Variants in OPCML observed in about 807,000 individuals in gnomAD.
OPCML encodes opioid binding protein/cell adhesion molecule like, also known as opioid-binding protein/cell adhesion molecule.
Under a neutral mutation model 37.8 loss-of-function variants are expected in OPCML, and 13 were observed. That is an observed-to-expected ratio of 0.34 (90% CI 0.22 to 0.55). The LOEUF (loss-of-function observed/expected upper bound fraction) is 0.55, where lower values mean the gene tolerates loss of function less well. Among genes scored for constraint, OPCML ranks in the 20% least tolerant of loss-of-function variants. The pLI is 0.91. For synonymous variants in OPCML, 176 were observed against 168.8 expected, an observed-to-expected ratio of 1.04 and a Z score of -0.33; for missense variants, 341 against 435.6, an observed-to-expected ratio of 0.78 and a Z score of 1.93.
chr11:133,185,930 T>A (rs533119921), intron 1 of OPCML, among the ~76,000 whole-genome samples: 57 of 152,364 alleles, frequency 3.7e-4, no homozygotes, highest in African/African-American at 1.1e-3. Flanking sequence ...TCTCAGAAGA[T>A]ACATGTGAGT....
At chr11:133,337,970 G>T (rs1187405924) in intron 1 of OPCML, among the ~76,000 whole-genome samples, 1 of 151,908 alleles carries the variant, frequency 6.6e-6, no homozygotes, top group Non-Finnish European at 1.5e-5. Context: ...GCCCAGCCCT[G>T]CTACCTGTGG....
At chr11:132,833,333 A>C (rs987589174) in intron 2 of OPCML, among the ~76,000 whole-genome samples, 1 of 152,262 alleles carries the variant, frequency 6.6e-6, no homozygotes, top group Non-Finnish European at 1.5e-5. Context: ...CGAGGCCTGC[A>C]CAGGGTCAGG....
At chr11:133,385,033 T>C (rs1945015563) in intron 1 of OPCML, among the ~76,000 whole-genome samples, 1 of 152,130 alleles carries the variant, frequency 6.6e-6, no homozygotes, top group Non-Finnish European at 1.5e-5. Flanking sequence ...TCCTTGTGGC[T>C]GTGGGCAGGA....
At chr11:132,474,088 C>A (rs537521225) in intron 4 of OPCML, among the ~76,000 whole-genome samples, 6 of 152,144 alleles carry the variant, frequency 3.9e-5, no homozygotes, top group South Asian at 2.1e-4. Context: ...CCTGCTCGGG[C>A]CTGTGGGAGG....
chr11:133,422,156 TTTGTTG>T, intron 1 of OPCML: 5 of 970,874 alleles, frequency 5.1e-6, no homozygotes, highest in African/African-American at 1.8e-5. Flanking sequence ...TGTTTGTTTG[TTTGTTG>T]TTGTTGTTGT....
At chr11:133,135,826 G>A (rs1055170212) in intron 1 of OPCML, among the ~76,000 whole-genome samples, 1 of 152,148 alleles carries the variant, frequency 6.6e-6, no homozygotes, top group Non-Finnish European at 1.5e-5. Context: ...CCAAAAGTAG[G>A]CTTCTTTATT....
At chr11:133,002,776 AGAG>A (rs913081614) in intron 1 of OPCML, among the ~76,000 whole-genome samples, 1 of 39,856 alleles carries the variant, frequency 2.5e-5, no homozygotes, top group Non-Finnish European at 3.8e-5. Flanking sequence ...CAAAGGAAAG[AGAG>A]GGGGGGGTGG....
In OPCML at chr11:132,415,541, G is replaced by C. The variant is rs1485176557; in HGVS notation, c.*4652C>G. On this transcript the variant is annotated 3_prime_UTR_variant, in exon 8 of 8. Coordinates refer to ENST00000524381, the MANE Select transcript of OPCML (RefSeq NM_001012393.5). Reference sequence around the variant, plus strand: ...AATAACATAGAATGTAGCCTCAAAAGGATGGTCGAGGGTTCGCAATCTTTC... The same window carrying C: ...AATAACATAGAATGTAGCCTCAAAACGATGGTCGAGGGTTCGCAATCTTTC... 6.6e-6 allele frequency: 1 copy of C among 152,176 alleles called. No homozygotes were observed. The highest frequency in any genetic ancestry group is 1.5e-5 in the Non-Finnish European group (1 of 68,024). The allele number at this position is 152,176 out of a possible 1,614,324, so 9.4% of individuals were successfully genotyped here. A position where few individuals can be genotyped will look rare whatever the true frequency, so the allele number is the denominator to read the frequency against.
intron 2 of OPCML, among the ~76,000 whole-genome samples, chr11:132,789,115 TTCA>T (rs1555189178): frequency 6.6e-6 from 1 of 152,186 alleles, no homozygotes; most frequent in Non-Finnish European, 1.5e-5. Context: ...ATCCTATCAC[TTCA>T]GAGAAGCTTT....
chr11:133,226,041 A>C (rs1390383381), intron 1 of OPCML, among the ~76,000 whole-genome samples: 1 of 152,260 alleles, frequency 6.6e-6, no homozygotes, highest in African/African-American at 2.4e-5. Flanking sequence ...ACCAGTTGGC[A>C]CAGCAATTAA....
chr11:133,525,033 T>C lies in OPCML; in HGVS notation c.61+7231A>G, dbSNP rs114800390. Among the ~76,000 whole-genome samples the C allele has an allele frequency of 9.4e-3, 1,424 of 152,278 alleles. 25 individuals carry two copies. Among genetic ancestry groups the C allele is most frequent in the African/African-American group, 0.032 (1,349 of 41,568 alleles). ...ACCCGTGCTAGGCACTGAGAACATA[T>C]TGGAGAACAAAACAGGTGTGGTCTC... On this transcript the variant is annotated intron_variant, in intron 1 of 7. Coordinates refer to ENST00000524381, the MANE Select transcript of OPCML (RefSeq NM_001012393.5).
At chr11:133,152,853 A>G (rs1001747180) in intron 1 of OPCML, among the ~76,000 whole-genome samples, 37 of 149,598 alleles carry the variant, frequency 2.5e-4, no homozygotes, top group African/African-American at 8.8e-4. Flanking sequence ...AAGCATAATA[A>G]AAGGGTTGAA....
At chr11:132,944,673 G>A (rs1945705218) in intron 1 of OPCML, among the ~76,000 whole-genome samples, 1 of 152,232 alleles carries the variant, frequency 6.6e-6, no homozygotes, top group South Asian at 2.1e-4. Context: ...CGCCGCAGTG[G>A]TGCTGGGAGG....
intron 1 of OPCML, among the ~76,000 whole-genome samples, chr11:133,296,276 C>T (rs1436619713): frequency 3.9e-5 from 6 of 152,144 alleles, no homozygotes; most frequent in Admixed American, 3.3e-4. Context: ...AATACACTGT[C>T]GTCCTGTCTG....
At chr11:132,496,562 T>G (rs1056326943) in intron 4 of OPCML, among the ~76,000 whole-genome samples, 2 of 152,232 alleles carry the variant, frequency 1.3e-5, no homozygotes, top group Non-Finnish European at 2.9e-5. Flanking sequence ...TGGTCAGTCA[T>G]GCATGCCCAC....
chr11:133,134,225 G>C (rs918375916), intron 1 of OPCML, among the ~76,000 whole-genome samples: 3 of 152,066 alleles, frequency 2.0e-5, no homozygotes, highest in African/African-American at 7.2e-5. Context: ...TCCATCCCAT[G>C]CCCCTTTCCT....
At chr11:133,469,733 C>A (rs1301141156) in intron 1 of OPCML, among the ~76,000 whole-genome samples, 1 of 152,194 alleles carries the variant, frequency 6.6e-6, no homozygotes, top group East Asian at 1.9e-4. Flanking sequence ...ATCTCCAACA[C>A]AGAAGTTCTC....
intron 1 of OPCML, among the ~76,000 whole-genome samples, chr11:133,375,786 C>G (rs187795170): frequency 1.0e-3 from 157 of 152,258 alleles, no homozygotes; most frequent in South Asian, 7.3e-3. Flanking sequence ...TTAAGACAGA[C>G]CGGTGTCTGT....
chr11:133,215,571 G>T (rs1939550791), intron 1 of OPCML, among the ~76,000 whole-genome samples: 1 of 152,130 alleles, frequency 6.6e-6, no homozygotes, highest in African/African-American at 2.4e-5. Context: ...TTGGTGAAAA[G>T]AAAACTGGAA....
Sources: gnomAD v4.1 joint callset for allele counts (sites outside exome capture counted in the v4.1 genomes callset) on GRCh38, gnomAD v4.1.1 for gene constraint, MANE v1.5 for transcripts, NCBI Gene and HGNC (gene_info 2026-07-23, HGNC 2026-07-21) for gene names.